Variants in KIF20B observed in about 807,000 individuals in gnomAD.
KIF20B encodes the protein kinesin-like protein KIF20B.
In KIF20B, 188 loss-of-function variants were observed where a neutral mutation model predicts 232.5. That is an observed-to-expected ratio of 0.81 (90% confidence interval 0.72 to 0.91). The LOEUF is 0.91. KIF20B is among the 40% of genes least tolerant of loss of function. The pLI, the probability that KIF20B is intolerant of heterozygous loss-of-function variation, is 0.00. For synonymous variants in KIF20B, 712 were observed against 683.0 expected (o/e 1.04, Z -0.66); for missense variants, 2,154 against 2,055.9 (o/e 1.05, Z -0.92).
At chr10:89,740,021 T>C (rs1841761850) in intron 21 of KIF20B, among the ~76,000 whole-genome samples, 1 of 152,162 alleles carries the variant, frequency 6.6e-6, no homozygotes, top group African/African-American at 2.4e-5. Context: ...AATGCAAATA[T>C]CTTCTATATG....
In KIF20B at chr10:89,709,209, C is replaced by A; in HGVS notation, c.190C>A (p.Arg64=). 2.5e-6 allele frequency: 4 copies of A among 1,610,594 alleles called. No individual in the cohort carries two copies. The highest frequency in any genetic ancestry group is 3.4e-6 in the Non-Finnish European group (4 of 1,177,824). The change falls in exon 3 of 33, where the codon CGA becomes AGA. Residue 64 remains arginine, a synonymous_variant. Coordinates refer to ENST00000371728, the MANE Select transcript of KIF20B (RefSeq NM_001284259.2). ...TAAAGATTATCTCCAGGTTTGTCTT[C>A]GAATAAGACCATTTACACAGTCAGA... ...ESKDYLQVCL[R]IRPFTQSEKE...
chr10:89,760,557 G>A lies in KIF20B; in HGVS notation c.4712G>A (p.Arg1571His), dbSNP rs753320982. The A allele has an allele frequency of 1.3e-5, 21 of 1,612,514 alleles. No homozygotes were observed. Among genetic ancestry groups the A allele is most frequent in the East Asian group, 6.7e-5 (3 of 44,814 alleles). ...CAAATCATGGATATCAAGCCCAAAC[G>A]TATTAGTTCAGCAGATCCTGACAAA... ...ETQIMDIKPK[R>H]ISSADPDKLQ... is the part of the protein sequence containing the mutation. Residue 1571 changes from arginine to histidine, a missense_variant, in exon 28 of 33, where the codon CGT (arginine) becomes CAT (histidine). Arg to His is a conservative substitution (Grantham distance 29, BLOSUM62 0). Coordinates refer to ENST00000371728, the MANE Select transcript of KIF20B (RefSeq NM_001284259.2).
chr10:89,752,421 A>T (rs1033838819), intron 24 of KIF20B, 146 bp from the exon 25 acceptor site: 2 of 467,688 alleles, frequency 4.3e-6, no homozygotes. Context: ...CTAAAAGTTA[A>T]ACTATAGAAT....
chr10:89,723,025 T>C (rs1297402972), intron 13 of KIF20B, among the ~76,000 whole-genome samples: 1 of 152,094 alleles, frequency 6.6e-6, no homozygotes, highest in Admixed American at 6.5e-5. Flanking sequence ...TTGAGTTGGG[T>C]TCACTTTTTC....
At chr10:89,744,183 A>T (rs1046259044) in intron 22 of KIF20B, among the ~76,000 whole-genome samples, 1 of 152,182 alleles carries the variant, frequency 6.6e-6, no homozygotes, top group African/African-American at 2.4e-5. Flanking sequence ...CCTAGCAGAT[A>T]CCACTTTAAC....
In KIF20B at chr10:89,743,045, C is replaced by T. The variant is rs1037807392; in HGVS notation, c.3916-763C>T. 2.6e-5 allele frequency among the ~76,000 whole-genome samples: 4 copies of T among 152,022 alleles called. No homozygotes were observed. The South Asian group carries it at 6.2e-4, about 24-fold the overall frequency. ...GGCATCTTTTCATTTAATTTCCTTC[C>T]GTTTTTGAGCTCTCTAGCGAGTGTG... On this transcript the variant is annotated intron_variant, in intron 21 of 32. Transcript: ENST00000371728.
At chr10:89,707,595 C>T (rs1842751405) in intron 2 of KIF20B, among the ~76,000 whole-genome samples, 1 of 147,836 alleles carries the variant, frequency 6.8e-6, no homozygotes, top group Non-Finnish European at 1.5e-5. Flanking sequence ...TTTTCCTTTC[C>T]TTTTCTCTTC....
In KIF20B at chr10:89,743,799, AT is replaced by A; in HGVS notation, c.3916-5del. On this transcript the variant is annotated splice_polypyrimidine_tract_variant and splice_region_variant and intron_variant, in intron 21 of 32. Coordinates refer to ENST00000371728, the MANE Select transcript of KIF20B (RefSeq NM_001284259.2). The stretch of plus-strand genomic sequence containing the variant: ...ATATTCCATTTGTTTTATAAACATT[AT>A]TTTGTAGGTATCTGTAATGCGTGAT... The A allele has an allele frequency of 7.1e-7, 1 of 1,415,940 alleles. No individual in the cohort carries two copies. Among genetic ancestry groups the A allele is most frequent in the Non-Finnish European group, 9.5e-7 (1 of 1,048,348 alleles). 87.7% of individuals were successfully genotyped at this position (1,415,940 alleles called of 1,614,324 possible).
intron 23 of KIF20B, among the ~76,000 whole-genome samples, chr10:89,746,390 G>A (rs143652909): frequency 2.8e-4 from 42 of 152,276 alleles, no homozygotes; most frequent in Non-Finnish European, 4.7e-4. Context: ...GGGATGGAGC[G>A]GGAAGGTGGT....
At chr10:89,760,722 C>A in intron 28 of KIF20B, 86 bp downstream of exon 28, 1 of 774,502 alleles carries the variant, frequency 1.3e-6, no homozygotes, top group Non-Finnish European at 2.2e-6. Context: ...GCTGAAGATA[C>A]CTTACTGCAC....
rs537713214 is a variant in KIF20B at position 89,716,378 on chromosome 10, T to C, written c.941-58T>C. 1.5e-5 allele frequency: 11 copies of C among 750,126 alleles called. No individual in the cohort carries two copies. In the African/African-American group the frequency reaches 2.0e-4, roughly 14 times the overall value. The allele number at this position is 750,126 out of a possible 1,614,324, so 46.5% of individuals were successfully genotyped here. A position where few individuals can be genotyped will look rare whatever the true frequency, so the allele number is the denominator to read the frequency against. ...GGAAAAGACTTTCAAAGAGATTACA[T>C]TGTAGAACACATTCTTTGTCTCAAT... On this transcript the variant is annotated intron_variant, in intron 8 of 32. Transcript: ENST00000371728.
chr10:89,734,568 T>C (rs1006464990), intron 19 of KIF20B, among the ~76,000 whole-genome samples: 5 of 152,182 alleles, frequency 3.3e-5, no homozygotes, highest in African/African-American at 4.8e-5. Context: ...TCAACTGTGA[T>C]TAGTATATAT....
chr10:89,732,944 G>T lies in KIF20B; in HGVS notation c.2433G>T (p.Leu811Phe). The T allele has an allele frequency of 1.2e-6, 2 of 1,608,180 alleles. No individual in the cohort carries two copies. The highest frequency in any genetic ancestry group is 2.2e-5 in the South Asian group (2 of 90,118). ...DTSSLIINNK[L>F]ICNETVEVPK... is the part of the protein sequence containing the mutation. ...CTTCTTTAATAATAAACAATAAATT[G>T]ATTTGTAATGAAACAGTTGAAGTAC... Residue 811 changes from leucine to phenylalanine, a missense_variant, in exon 19 of 33, where the codon TTG becomes TTT. Coordinates refer to ENST00000371728, the MANE Select transcript of KIF20B (RefSeq NM_001284259.2).
rs1271702619 is a variant in KIF20B, at chr10:89,710,962, G to A, written c.492G>A (p.Gly164=). The A allele has an allele frequency of 2.5e-6, 4 of 1,602,576 alleles. No individual in the cohort carries two copies. Among genetic ancestry groups the A allele is most frequent in the Admixed American group, 1.8e-5 (1 of 56,806 alleles). ...ATAACACAAAAATTCCTTTTGCAGG[G>A]ACAGAAGAAAATATTGGCATTCTGC... ...TNSGKTYTFQ[G]TEENIGILPR... is the part of the protein sequence containing the mutation. The change falls in exon 6 of 33, where the codon GGG becomes GGA. Residue 164 remains glycine (G), a splice_region_variant and synonymous_variant. Transcript: ENST00000371728.
chr10:89,748,797 A>G (rs544646876), intron 23 of KIF20B, among the ~76,000 whole-genome samples: 17 of 151,658 alleles, frequency 1.1e-4, no homozygotes, highest in Admixed American at 2.0e-4. Context: ...TCATATTTTA[A>G]TTTTTGTTTT....
At chr10:89,710,391 A>G (rs1842812967) in intron 5 of KIF20B, among the ~76,000 whole-genome samples, 2 of 151,840 alleles carry the variant, frequency 1.3e-5, no homozygotes, top group Admixed American at 1.3e-4. Flanking sequence ...CACCATGCCA[A>G]GCTAGTTTTT....
chr10:89,759,932 A>G (rs1159390962), intron 27 of KIF20B, among the ~76,000 whole-genome samples: 1 of 152,134 alleles, frequency 6.6e-6, no homozygotes, highest in Non-Finnish European at 1.5e-5. Context: ...AATGTAATCT[A>G]TTTCTTTATA....
chr10:89,773,323 A>C (rs940824901), intron 32 of KIF20B, among the ~76,000 whole-genome samples: 3 of 151,992 alleles, frequency 2.0e-5, no homozygotes, highest in Non-Finnish European at 4.4e-5. Context: ...GGAAAGCTCA[A>C]ATTTTCTGTC....
At position 89,702,127 on chromosome 10, in the gene KIF20B, G is replaced by T. The variant is rs1261724593; in HGVS notation, c.-2+447G>T. Among the ~76,000 whole-genome samples, 6 of 152,144 alleles carry T rather than the reference G, an allele frequency of 3.9e-5. No homozygotes were observed. In the South Asian group the frequency reaches 1.2e-3, roughly 32 times the overall value. ...TGCTTCTGTTGTTGTTGAGGAACAG[G>T]CCTGTTTTGCCACACCTAGTTTTCT... On this transcript the variant is annotated intron_variant, in intron 1 of 32. Coordinates refer to ENST00000371728, the MANE Select transcript of KIF20B (RefSeq NM_001284259.2).
Sources: gnomAD v4.1 joint callset for allele counts (sites outside exome capture counted in the v4.1 genomes callset) on GRCh38, gnomAD v4.1.1 for gene constraint, MANE v1.5 for transcripts, NCBI Gene and HGNC (gene_info 2026-07-23, HGNC 2026-07-21) for gene names.